CADPS2: variants seen among roughly 807,000 people sequenced by gnomAD.
CADPS2 encodes calcium dependent secretion activator 2.
CADPS2 carries 93 observed loss-of-function variants against 172.5 expected under a neutral mutation model. The observed-to-expected ratio is 0.54, with a 90% CI of 0.46 to 0.64. The LOEUF is 0.64. CADPS2 is among the 30% of genes least tolerant of loss of function. The pLI is 0.00. For missense variants in CADPS2, 1,420 were observed against 1,565.9 expected (o/e 0.91, Z 1.57); for synonymous variants, 546 against 555.2 (o/e 0.98, Z 0.23).
chr7:122,592,477 C>T (rs1452109428), intron 6 of CADPS2, among the ~76,000 whole-genome samples: 1 of 152,102 alleles, frequency 6.6e-6, no homozygotes, highest in Non-Finnish European at 1.5e-5. Context: ...ACCCAGCCAT[C>T]CCATTACTGG....
chr7:122,764,829 T>C (rs1286967747), intron 1 of CADPS2, among the ~76,000 whole-genome samples: 1 of 152,150 alleles, frequency 6.6e-6, no homozygotes, highest in Non-Finnish European at 1.5e-5. Context: ...AGGCATTCCA[T>C]TAACTGGATA....
chr7:122,554,589 G>C lies in CADPS2; in HGVS notation c.1436C>G (p.Ala479Gly). The C allele has an allele frequency of 6.2e-7, 1 of 1,611,014 alleles. No homozygotes were observed. The highest frequency in any genetic ancestry group is 8.5e-7 in the Non-Finnish European group (1 of 1,178,442). The change falls in exon 8 of 30, where the codon GCA becomes GGA. Residue 479 changes from alanine (A) to glycine (G), a missense_variant. Physicochemically the swap from Ala to Gly is moderately conservative, Grantham distance 60. Transcript: ENST00000449022. The stretch of plus-strand genomic sequence containing the variant: ...ATGTGCTGGTTTATCCATTCGCACT[G>C]CCAGTTTGATTTTTAAGTCAGAATC... ...SQDSDLKIKL[A>G]VRMDKPAHMK...
intron 8 of CADPS2, among the ~76,000 whole-genome samples, chr7:122,541,509 TTTTG>T (rs1483734469): frequency 9.3e-6 from 1 of 107,298 alleles, no homozygotes; most frequent in African/African-American, 3.6e-5. Context: ...CCCAGCCAAT[TTTTG>T]TTTTTTTTTT....
chr7:122,360,683 A>G, intron 27 of CADPS2, 105 bp downstream of exon 27: 1 of 981,808 alleles, frequency 1.0e-6, no homozygotes, highest in Non-Finnish European at 1.5e-6. Flanking sequence ...ACTACTCCCT[A>G]AGGGAATGGC....
At chr7:122,672,647 T>C (rs554789476) in intron 2 of CADPS2, among the ~76,000 whole-genome samples, 16 of 152,284 alleles carry the variant, frequency 1.1e-4, no homozygotes, top group African/African-American at 3.9e-4. Context: ...ACTCCTTTAC[T>C]CCTTTTCTCT....
intron 2 of CADPS2, among the ~76,000 whole-genome samples, chr7:122,713,324 T>C (rs1387297292): frequency 6.6e-6 from 1 of 152,082 alleles, no homozygotes; most frequent in Admixed American, 6.6e-5. Flanking sequence ...TAACACTAGC[T>C]CTACAACTTA....
At chr7:122,775,037 CA>C (rs2139199292) in intron 1 of CADPS2, among the ~76,000 whole-genome samples, 1 of 152,048 alleles carries the variant, frequency 6.6e-6, no homozygotes, top group East Asian at 1.9e-4. Flanking sequence ...TTTTAAAATA[CA>C]AAATTAACCT....
At chr7:122,619,999 G>A (rs557279203) in intron 5 of CADPS2, among the ~76,000 whole-genome samples, 2 of 152,178 alleles carry the variant, frequency 1.3e-5, no homozygotes, top group Non-Finnish European at 2.9e-5. Flanking sequence ...TCAAGAAAGT[G>A]AGAGGCAGAT....
chr7:122,851,992 CAAA>C (rs1361442626), intron 1 of CADPS2, among the ~76,000 whole-genome samples: 1 of 152,172 alleles, frequency 6.6e-6, no homozygotes, highest in African/African-American at 2.4e-5. Context: ...CCCCTATATA[CAAA>C]CCAGGAAACT....
chr7:122,610,224 T>C (rs1403307795), intron 6 of CADPS2, among the ~76,000 whole-genome samples: 6 of 152,144 alleles, frequency 3.9e-5, no homozygotes, highest in South Asian at 2.1e-4. Context: ...AGTTCACTTA[T>C]ATTGTTCATG....
intron 1 of CADPS2, 151 bp downstream of exon 1, chr7:122,885,848 C>G (rs1182477853): frequency 1.0e-6 from 1 of 959,876 alleles, no homozygotes; most frequent in Non-Finnish European, 1.6e-6. Flanking sequence ...GTGAAAGCAC[C>G]GTCTTGTCCC....
At chr7:122,356,121 A>C (rs2039368435) in intron 27 of CADPS2, among the ~76,000 whole-genome samples, 1 of 152,040 alleles carries the variant, frequency 6.6e-6, no homozygotes, top group South Asian at 2.1e-4. Flanking sequence ...CTTCGTTTTT[A>C]CCCAATATCC....
intron 1 of CADPS2, among the ~76,000 whole-genome samples, chr7:122,874,065 T>A (rs944235873): frequency 2.0e-5 from 3 of 152,184 alleles, no homozygotes; most frequent in Non-Finnish European, 2.9e-5. Flanking sequence ...ATTAGCCCTT[T>A]GTCAGATGGA....
intron 28 of CADPS2, chr7:122,328,391 CCA>C (rs1272528812): frequency 2.6e-5 from 4 of 152,142 alleles, no homozygotes; most frequent in African/African-American, 9.7e-5. Context: ...AGTAAAGTCT[CCA>C]TGTTAGAAAG....
chr7:122,756,472 TAAG>T lies in CADPS2; in HGVS notation c.340-19407_340-19405del, dbSNP rs558361593. On this transcript the variant is annotated intron_variant, in intron 1 of 29. Coordinates refer to ENST00000449022, the MANE Select transcript of CADPS2 (RefSeq NM_017954.11). ...GATGTCAAAATTTAAAGAATAAAAA[TAAG>T]AAGTTATATTTTTAAAAAAGGAAGA... is the stretch of plus-strand genomic sequence containing the variant. Among the ~76,000 whole-genome samples, 328 of 152,192 alleles carry T rather than the reference TAAG, an allele frequency of 2.2e-3. 2 individuals carry two copies. The highest frequency in any genetic ancestry group is 5.3e-3 in the Admixed American group (81 of 15,274).
At chr7:122,370,672 T>G (rs2151259853) in intron 25 of CADPS2, among the ~76,000 whole-genome samples, 1 of 152,210 alleles carries the variant, frequency 6.6e-6, no homozygotes, top group African/African-American at 2.4e-5. Context: ...CTTAGGAAGA[T>G]GTAAGATGTC....
intron 3 of CADPS2, among the ~76,000 whole-genome samples, chr7:122,647,943 A>T (rs1032820568): frequency 6.6e-6 from 1 of 152,152 alleles, no homozygotes; most frequent in African/African-American, 2.4e-5. Flanking sequence ...GAAGCTTTTC[A>T]TCTTAACTAT....
chr7:122,820,851 G>A lies in CADPS2; in HGVS notation c.339+65148C>T, dbSNP rs62482481. ...TGGGATTACAGGCGTGAGCCACCGCGCCCGGCCGACCTTACTGTTTTAGCC... is the reference window on the plus strand; with the variant it reads ...TGGGATTACAGGCGTGAGCCACCGCACCCGGCCGACCTTACTGTTTTAGCC... On this transcript the variant is annotated intron_variant, in intron 1 of 29. Coordinates refer to ENST00000449022, the MANE Select transcript of CADPS2 (RefSeq NM_017954.11). Among the ~76,000 whole-genome samples, 18 of 126,374 alleles carry A rather than the reference G, an allele frequency of 1.4e-4. 2 individuals are homozygous for A. The highest frequency in any genetic ancestry group is 7.6e-4 in the South Asian group (3 of 3,934). The allele number at this position is 126,374 out of a possible 152,430, so 82.9% of individuals were successfully genotyped here.
chr7:122,650,794 C>T (rs1040595129), intron 3 of CADPS2, among the ~76,000 whole-genome samples: 10 of 151,950 alleles, frequency 6.6e-5, no homozygotes, highest in South Asian at 2.1e-4. Flanking sequence ...TTTTTGAGAG[C>T]GGAAACTTAA....
Sources: allele counts gnomAD v4.1 joint callset (sites outside exome capture counted in the v4.1 genomes callset), GRCh38; gene constraint gnomAD v4.1.1; transcripts MANE v1.5; gene names NCBI Gene and HGNC (gene_info 2026-07-23, HGNC 2026-07-21).